HRH1: variants seen among roughly 807,000 people sequenced by gnomAD.
HRH1 encodes the protein histamine H1 receptor.
A neutral mutation model predicts 10.3 loss-of-function variants in HRH1; 6 were observed. The ratio of observed to expected loss-of-function variants is 0.58; its 90% CI spans 0.32 to 1.15. The LOEUF is 1.15. Ranked by LOEUF, HRH1 falls within the 50% of genes most tolerant of loss-of-function variation. HRH1 has a pLI of 0.05. For missense variants in HRH1, 514 were observed against 615.3 expected (o/e 0.84, Z 1.74); for synonymous variants, 242 against 236.7 (o/e 1.02, Z -0.21).
At chr3:11,161,186 C>T (rs1471299103) in intron 1 of HRH1, among the ~76,000 whole-genome samples, 1 of 152,204 alleles carries the variant, frequency 6.6e-6, no homozygotes, top group East Asian at 1.9e-4. Context: ...GGGCACAGAG[C>T]ACAGGAGGAG....
chr3:11,138,837 C>T (rs1045966513), intron 1 of HRH1, among the ~76,000 whole-genome samples: 3 of 150,640 alleles, frequency 2.0e-5, no homozygotes, highest in Non-Finnish European at 4.4e-5. Flanking sequence ...ACCATGTCCG[C>T]CCAAATTTTT....
chr3:11,157,616 G>A (rs556473376), intron 1 of HRH1, among the ~76,000 whole-genome samples: 1 of 152,306 alleles, frequency 6.6e-6, no homozygotes, highest in East Asian at 1.9e-4. Context: ...TGTCGGAGGG[G>A]GGGCCAGGAT....
intron 1 of HRH1, among the ~76,000 whole-genome samples, chr3:11,157,062 T>G (rs1419629096): frequency 6.6e-6 from 1 of 152,254 alleles, no homozygotes; most frequent in Non-Finnish European, 1.5e-5. Context: ...TGCTACGCAG[T>G]GCAGCTTGAA....
chr3:11,233,488 TTGC>T (rs1183971915), intron 1 of HRH1, among the ~76,000 whole-genome samples: 1 of 152,162 alleles, frequency 6.6e-6, no homozygotes, highest in Non-Finnish European at 1.5e-5. Flanking sequence ...GTTTCCTCTC[TTGC>T]TGCTACTCTG....
intron 1 of HRH1, among the ~76,000 whole-genome samples, chr3:11,203,433 A>G (rs556785653): frequency 1.3e-5 from 2 of 152,102 alleles, no homozygotes; most frequent in African/African-American, 4.8e-5. Flanking sequence ...GTCATTGCCA[A>G]CCCAAGGTCA....
At chr3:11,183,855 C>CTTTTT (rs60566877) in intron 1 of HRH1, among the ~76,000 whole-genome samples, 17 of 91,912 alleles carry the variant, frequency 1.8e-4, no homozygotes, top group East Asian at 6.4e-4. Flanking sequence ...GGAAAGCTTG[C>CTTTTT]TTTTTTTTTT....
At chr3:11,244,066 G>A (rs557421918) in intron 1 of HRH1, among the ~76,000 whole-genome samples, 4 of 152,338 alleles carry the variant, frequency 2.6e-5, no homozygotes, top group South Asian at 4.1e-4. Flanking sequence ...GAGGTGGGCA[G>A]TCCTCGCTGA....
chr3:11,233,210 C>G (rs1939089549), intron 1 of HRH1, among the ~76,000 whole-genome samples: 1 of 152,182 alleles, frequency 6.6e-6, no homozygotes, highest in Non-Finnish European at 1.5e-5. Context: ...TCTTTCTCAT[C>G]TCCTTCTGGG....
intron 1 of HRH1, among the ~76,000 whole-genome samples, chr3:11,214,536 G>A (rs1260512838): frequency 6.6e-6 from 1 of 152,228 alleles, no homozygotes; most frequent in Non-Finnish European, 1.5e-5. Context: ...GGGAAACTAA[G>A]AAGGATGATG....
At chr3:11,215,249 C>T (rs1259103897) in intron 1 of HRH1, among the ~76,000 whole-genome samples, 2 of 152,204 alleles carry the variant, frequency 1.3e-5, no homozygotes, top group Admixed American at 6.5e-5. Context: ...AGACTTTTTG[C>T]ACTCATATTT....
chr3:11,155,929 G>A (rs1245570841), intron 1 of HRH1, among the ~76,000 whole-genome samples: 1 of 152,242 alleles, frequency 6.6e-6, no homozygotes, highest in African/African-American at 2.4e-5. Flanking sequence ...CTGAGGCTCA[G>A]AGAGGTTAAG....
chr3:11,240,457 C>T (rs773689745), intron 1 of HRH1, among the ~76,000 whole-genome samples: 13 of 151,934 alleles, frequency 8.6e-5, no homozygotes, highest in Non-Finnish European at 1.2e-4. Flanking sequence ...GACAGGCTCT[C>T]CAGGTTGCCC....
chr3:11,151,059 C>T (rs984895916), upstream of HRH1, among the ~76,000 whole-genome samples: 6 of 152,324 alleles, frequency 3.9e-5, no homozygotes, highest in South Asian at 2.1e-4. Context: ...TGGCCTACAG[C>T]GGGCTGACTC....
Position 11,158,648 on chromosome 3 carries a change from C to A in HRH1, c.-36+4094C>A, listed in dbSNP as rs1051992965. Among the ~76,000 whole-genome samples the A allele has an allele frequency of 3.9e-5, 6 of 151,908 alleles. No individual in the cohort carries two copies. The East Asian group carries it at 7.7e-4, about 20-fold the overall frequency. On this transcript the variant is annotated intron_variant, in intron 1 of 1. Transcript: ENST00000431010. ...AATGTTCATTTTGTGTTTTTTATATCTTTTGTTATATATATTTCTATTATT... is the reference window on the plus strand; with the variant it reads ...AATGTTCATTTTGTGTTTTTTATATATTTTGTTATATATATTTCTATTATT...
intron 1 of HRH1, among the ~76,000 whole-genome samples, chr3:11,256,232 G>T (rs1221022921): frequency 6.6e-6 from 1 of 152,090 alleles, no homozygotes; most frequent in East Asian, 1.9e-4. Flanking sequence ...TCAGAGGATT[G>T]CTCTGATTGG....
At chr3:11,147,676 T>C (rs1412649144) in intron 1 of HRH1, among the ~76,000 whole-genome samples, 2 of 152,256 alleles carry the variant, frequency 1.3e-5, no homozygotes, top group African/African-American at 4.8e-5. Flanking sequence ...CTAGGCACTT[T>C]ACATGTATTA....
At chr3:11,242,509 A>AAAAAAAAAAAAAAAAAAAAAAAAT (rs1559283215) in intron 1 of HRH1, among the ~76,000 whole-genome samples, 1 of 120,810 alleles carries the variant, frequency 8.3e-6, no homozygotes, top group African/African-American at 3.3e-5. Context: ...AAAAAAAAAA[A>AAAAAAAAAAAAAAAAAAAAAAAAT]GCTGTAACAC....
At chr3:11,185,325 C>T (rs940864841) in intron 1 of HRH1, among the ~76,000 whole-genome samples, 3 of 152,212 alleles carry the variant, frequency 2.0e-5, no homozygotes, top group Non-Finnish European at 4.4e-5. Flanking sequence ...AGTTCTGGCT[C>T]ATAAGTCACC....
chr3:11,260,036 A>G lies in HRH1; in HGVS notation c.999A>G (p.Thr333=), dbSNP rs781366853. Residue 333 remains threonine, a synonymous_variant, in exon 2 of 2, where the codon ACA becomes ACG. Transcript: ENST00000431010. ...ACCGGAGCCATGGCCAGCTCAAGAC[A>G]GATGAGCAGGGCCTGAACACACATG... ...AVNRSHGQLK[T]DEQGLNTHGA... is the part of the protein sequence containing the mutation. 18 of 1,614,224 alleles carry G rather than the reference A, an allele frequency of 1.1e-5. No individual in the cohort carries two copies. The South Asian group carries it at 1.9e-4, about 17-fold the overall frequency.
Sources: gnomAD v4.1 joint callset for allele counts (sites outside exome capture counted in the v4.1 genomes callset) on GRCh38, gnomAD v4.1.1 for gene constraint, MANE v1.5 for transcripts, NCBI Gene and HGNC (gene_info 2026-07-23, HGNC 2026-07-21) for gene names.